The following INPP5D variants were observed in gnomAD, a reference collection of about 807,000 sequenced individuals.
INPP5D encodes phosphatidylinositol 3,4,5-trisphosphate 5-phosphatase 1.
Under a neutral mutation model 122.9 loss-of-function variants are expected in INPP5D, and 33 were observed. The observed-to-expected ratio is 0.27, with a 90% CI of 0.20 to 0.36. The LOEUF (loss-of-function observed/expected upper bound fraction) is 0.36. Among genes scored for constraint, INPP5D ranks in the 10% least tolerant of loss-of-function variants. The probability of loss-of-function intolerance (pLI) is 1.00; values close to 1 mark genes in which losing one functional copy is unlikely to be tolerated. For synonymous variants in INPP5D, 584 were observed against 576.2 expected (o/e 1.01, Z -0.19); for missense variants, 1,053 against 1,412.7 (o/e 0.75, Z 4.08).
Position 233,064,036 on chromosome 2 carries a change from G to T in INPP5D, c.134+3424G>T, listed in dbSNP as rs554167365. On this transcript the variant is annotated intron_variant, in intron 1 of 26. Coordinates refer to ENST00000445964, the MANE Select transcript of INPP5D (RefSeq NM_001017915.3). ...TGGGAATGGGGTCAGTCAATGCAAGGGTCCATGGGTTGGCCGAGCCGGCAT... is the reference window on the plus strand; with the variant it reads ...TGGGAATGGGGTCAGTCAATGCAAGTGTCCATGGGTTGGCCGAGCCGGCAT... 2.1e-4 allele frequency among the ~76,000 whole-genome samples: 32 copies of T among 152,396 alleles called. 1 individual carries two copies. The highest frequency in any genetic ancestry group is 3.4e-3 in the Middle Eastern group (1 of 294).
At chr2:233,095,600 A>G (rs941794207) in intron 2 of INPP5D, among the ~76,000 whole-genome samples, 4 of 146,428 alleles carry the variant, frequency 2.7e-5, no homozygotes, top group Admixed American at 1.4e-4. Flanking sequence ...CTAGGCAACA[A>G]GATTGAAACT....
At chr2:233,196,180 G>C (rs1285583571) in intron 24 of INPP5D, among the ~76,000 whole-genome samples, 1 of 152,132 alleles carries the variant, frequency 6.6e-6, no homozygotes, top group East Asian at 1.9e-4. Context: ...CTGTGAGAAG[G>C]TGAACTGAAG....
At chr2:233,195,287 C>T in intron 23 of INPP5D, 112 bp from the exon 24 acceptor site, 1 of 1,524,526 alleles carries the variant, frequency 6.6e-7, no homozygotes, top group Non-Finnish European at 8.9e-7. Flanking sequence ...TCTCCAGGTA[C>T]TCACTATTCA....
At chr2:233,184,653 G>A (rs1284972711) in intron 20 of INPP5D, 132 bp downstream of exon 20, 1 of 1,322,774 alleles carries the variant, frequency 7.6e-7, no homozygotes, top group African/African-American at 1.5e-5. Context: ...GAGAAGTGGG[G>A]CTGCAGGTGG....
intron 1 of INPP5D, among the ~76,000 whole-genome samples, chr2:233,067,027 C>T (rs1425679805): frequency 6.6e-6 from 1 of 152,228 alleles, no homozygotes; most frequent in African/African-American, 2.4e-5. Context: ...ATCTGCCCGC[C>T]TAGGCCTCCC....
chr2:233,186,677 TCTCTTTC>T (rs1694924784), intron 21 of INPP5D, among the ~76,000 whole-genome samples: 3 of 112,056 alleles, frequency 2.7e-5, no homozygotes, highest in Non-Finnish European at 5.8e-5. Context: ...TTTTTCTTTT[TCTCTTTC>T]TTTTTTTTTT....
At chr2:233,192,019 G>A (rs1280832573) in intron 22 of INPP5D, among the ~76,000 whole-genome samples, 2 of 152,158 alleles carry the variant, frequency 1.3e-5, no homozygotes, top group Non-Finnish European at 2.9e-5. Flanking sequence ...TGAGCAGCTT[G>A]TTGGAGGTAA....
At chr2:233,153,034 G>A (rs1411832462) in intron 9 of INPP5D, among the ~76,000 whole-genome samples, 2 of 152,198 alleles carry the variant, frequency 1.3e-5, no homozygotes, top group Non-Finnish European at 2.9e-5. Flanking sequence ...AACGGGGTGG[G>A]AACGTTTCAA....
At chr2:233,132,167 T>C (rs1693346331) in intron 5 of INPP5D, among the ~76,000 whole-genome samples, 1 of 152,250 alleles carries the variant, frequency 6.6e-6, no homozygotes, top group African/African-American at 2.4e-5. Context: ...TACAGCACTT[T>C]CTTTTTATAA....
chr2:233,107,712 G>C (rs1692504103), intron 2 of INPP5D, among the ~76,000 whole-genome samples: 3 of 152,272 alleles, frequency 2.0e-5, no homozygotes, highest in Admixed American at 6.5e-5. Context: ...GCAAGGGCCT[G>C]GGGGAGGGGT....
In INPP5D at chr2:233,204,162, G is replaced by T; in HGVS notation, c.3012G>T (p.Leu1004=). 6.3e-7 allele frequency: 1 copy of T among 1,591,668 alleles called. No homozygotes were observed. Among genetic ancestry groups the T allele is most frequent in the Non-Finnish European group, 8.5e-7 (1 of 1,169,810 alleles). The change falls in exon 26 of 27, where the codon CTG becomes CTT. Residue 1004 remains leucine (L), a synonymous_variant. Transcript: ENST00000445964. ...SDLGKNAGDT[L]PQEDLPLTKP... ...TGGGGAAGAACGCAGGGGACACGCT[G>T]CCTCAGGAGGACCTGCCGCTGACGA...
intron 1 of INPP5D, among the ~76,000 whole-genome samples, chr2:233,066,198 C>T (rs575391328): frequency 5.3e-5 from 8 of 152,048 alleles, no homozygotes; most frequent in Non-Finnish European, 1.2e-4. Context: ...AGGTGGTTCT[C>T]CCACCTTGGC....
intron 22 of INPP5D, among the ~76,000 whole-genome samples, chr2:233,190,330 C>G (rs1303776399): frequency 6.6e-6 from 1 of 152,216 alleles, no homozygotes; most frequent in Admixed American, 6.5e-5. Flanking sequence ...CCAGGCCTGC[C>G]TGCCCTTCTC....
rs1219984869 is a variant in INPP5D at position 233,116,226 on chromosome 2, T to TAGAC, written c.199-5878_199-5877insCAGA. On this transcript the variant is annotated intron_variant, in intron 2 of 26. Transcript: ENST00000445964. ...TCAGATATATATGTAGATATATATG[T>TAGAC]AGATAGATAGATAGATAGATAGATA... Among the ~76,000 whole-genome samples the TAGAC allele has an allele frequency of 3.1e-3, 319 of 104,434 alleles. 4 individuals carry two copies. The highest frequency in any genetic ancestry group is 0.015 in the African/African-American group (292 of 19,210). 68.5% of individuals were successfully genotyped at this position (104,434 alleles called of 152,430 possible). A position where few individuals can be genotyped will look rare whatever the true frequency, so the allele number is the denominator to read the frequency against.
At chr2:233,120,867 T>G (rs1335620796) in intron 2 of INPP5D, among the ~76,000 whole-genome samples, 1 of 152,106 alleles carries the variant, frequency 6.6e-6, no homozygotes, top group African/African-American at 2.4e-5. Context: ...ACAAACCAGA[T>G]AGATCATTTA....
chr2:233,067,924 T>C (rs1691269910), intron 1 of INPP5D, among the ~76,000 whole-genome samples: 1 of 152,198 alleles, frequency 6.6e-6, no homozygotes, highest in Admixed American at 6.5e-5. Flanking sequence ...AATGGAAAGA[T>C]GTGAGTGACA....
chr2:233,206,931 ACAAACAGTCTGGGTCCC>A lies in INPP5D; in HGVS notation c.*226_*242del, dbSNP rs1305033378. On this transcript the variant is annotated 3_prime_UTR_variant, in exon 27 of 27. Transcript: ENST00000445964. This position sits in a 1 kb window ranked among gnomAD's most constrained non-coding sequence, Gnocchi z 4.0. ...AAGAAAAACGCACACCAGACGGGCA[ACAAACAGTCTGGGTCCC>A]CAGCTCGCTCTTGGTACTTGGGACC... The A allele has an allele frequency of 9.3e-6, 5 of 539,384 alleles. No individual in the cohort carries two copies. Among genetic ancestry groups the A allele is most frequent in the Admixed American group, 3.2e-5 (1 of 30,972 alleles). The allele number at this position is 539,384 out of a possible 1,614,324, so 33.4% of individuals were successfully genotyped here.
chr2:233,143,640 A>G (rs1451165929), intron 6 of INPP5D, among the ~76,000 whole-genome samples: 1 of 152,240 alleles, frequency 6.6e-6, no homozygotes, highest in Non-Finnish European at 1.5e-5. Flanking sequence ...TGTAAGCTTT[A>G]TTAAGAAGCA....
intron 2 of INPP5D, among the ~76,000 whole-genome samples, chr2:233,096,044 T>G (rs1692130944): frequency 6.6e-6 from 1 of 152,236 alleles, no homozygotes. Context: ...GATGGATACA[T>G]AGATGATTTT....
Sources: gnomAD v4.1 joint callset for allele counts (sites outside exome capture counted in the v4.1 genomes callset) on GRCh38, gnomAD v4.1.1 for gene constraint, Gnocchi (gnomAD v3.1) non-coding constraint, MANE v1.5 for transcripts, NCBI Gene and HGNC (gene_info 2026-07-23, HGNC 2026-07-21) for gene names.